SNX27: variants seen among roughly 807,000 people sequenced by gnomAD.
SNX27 encodes the protein sorting nexin 27.
A neutral mutation model predicts 71.6 loss-of-function variants in SNX27; 22 were observed. The ratio of observed to expected loss-of-function variants is 0.31; its 90% CI spans 0.22 to 0.44. The LOEUF (loss-of-function observed/expected upper bound fraction) is 0.44, where lower values mean the gene tolerates loss of function less well. SNX27 is among the 20% of genes least tolerant of loss of function. The pLI is 1.00. For synonymous variants in SNX27, 269 were observed against 277.2 expected (o/e 0.97, Z 0.29); for missense variants, 531 against 698.6 (o/e 0.76, Z 2.70).
Position 151,622,052 on chromosome 1 carries a change from C to A in SNX27, c.311+9540C>A, listed in dbSNP as rs118009793. 3.9e-4 allele frequency among the ~76,000 whole-genome samples: 60 copies of A among 152,240 alleles called. 1 individual carries two copies. The East Asian group carries it at 8.7e-3, about 22-fold the overall frequency. On this transcript the variant is annotated intron_variant, in intron 1 of 11. Transcript: ENST00000458013. The stretch of plus-strand genomic sequence containing the variant: ...TTATATTCCTCATTTGGAAAAGGTC[C>A]GACTGTACCTTTCTTCTCTTTCAAT...
intron 1 of SNX27, among the ~76,000 whole-genome samples, chr1:151,637,061 TAGTC>T (rs1668490062): frequency 6.6e-6 from 1 of 152,008 alleles, no homozygotes; most frequent in Non-Finnish European, 1.5e-5. Context: ...CTGGTACTAA[TAGTC>T]AGGATCAGGA....
At chr1:151,675,371 A>G (rs1432000345) in intron 7 of SNX27, among the ~76,000 whole-genome samples, 1 of 152,058 alleles carries the variant, frequency 6.6e-6, no homozygotes, top group Non-Finnish European at 1.5e-5. Context: ...TTACATGTAT[A>G]TTTGGCTTTA....
intron 2 of SNX27, among the ~76,000 whole-genome samples, chr1:151,643,655 GT>G (rs1049957078): frequency 1.3e-5 from 2 of 151,512 alleles, no homozygotes; most frequent in East Asian, 1.9e-4. Context: ...ACAATTTAGG[GT>G]TTTTTTTATT....
rs534939041 is a variant in SNX27, at chr1:151,693,787, C to A, written c.1578+304C>A. 3.4e-6 allele frequency: 5 copies of A among 1,465,688 alleles called. No homozygotes were observed. The Admixed American group carries it at 1.0e-4, about 30-fold the overall frequency. 90.8% of individuals were successfully genotyped at this position (1,465,688 alleles called of 1,614,324 possible). ...CTGCCAGTTTTTTAAATCAGATCAC[C>A]CTCCATGTTGTTCCTGACCCACAGG... On this transcript the variant is annotated intron_variant, in intron 11 of 11. Coordinates refer to ENST00000458013, the MANE Select transcript of SNX27 (RefSeq NM_001330723.2).
At chr1:151,666,535 T>C (rs1453378348) in intron 6 of SNX27, 1 of 152,300 alleles carries the variant, frequency 6.6e-6, no homozygotes, top group East Asian at 1.9e-4. Flanking sequence ...CTAGGGATGG[T>C]GGTCACATTG....
intron 1 of SNX27, among the ~76,000 whole-genome samples, chr1:151,626,026 G>T (rs1003350285): frequency 6.6e-6 from 1 of 152,138 alleles, no homozygotes; most frequent in Non-Finnish European, 1.5e-5. Flanking sequence ...CTACTCTGGA[G>T]GCTGAAGCAG....
At chr1:151,672,189 A>AG (rs1670477565) in intron 7 of SNX27, among the ~76,000 whole-genome samples, 1 of 151,868 alleles carries the variant, frequency 6.6e-6, no homozygotes, top group Admixed American at 6.6e-5. Flanking sequence ...CAGTTTTTTG[A>AG]GGGGTTTTTA....
intron 2 of SNX27, among the ~76,000 whole-genome samples, chr1:151,641,646 TATATC>T (rs1331839185): frequency 2.9e-5 from 4 of 137,090 alleles, no homozygotes; most frequent in South Asian, 2.3e-4. Context: ...GTATCATATA[TATATC>T]ATATGTATCA....
At chr1:151,665,475 A>G (rs1241941103) in intron 5 of SNX27, among the ~76,000 whole-genome samples, 1 of 152,240 alleles carries the variant, frequency 6.6e-6, no homozygotes, top group Non-Finnish European at 1.5e-5. Flanking sequence ...ACACTCTAGA[A>G]TCAAATATAT....
In SNX27 at chr1:151,658,267, G is replaced by A. The variant is rs1201165547; in HGVS notation, c.576G>A (p.Leu192=). 1 of 1,613,052 alleles carries A rather than the reference G, an allele frequency of 6.2e-7. No individual in the cohort carries two copies. The highest frequency in any genetic ancestry group is 2.2e-5 in the East Asian group (1 of 44,864). The change falls in exon 3 of 12, where the codon CTG becomes CTA. Residue 192 remains leucine (L), a synonymous_variant. Coordinates refer to ENST00000458013, the MANE Select transcript of SNX27 (RefSeq NM_001330723.2). ...ATGTTTACATGGCAGGGAGGCAGCT[G>A]TGTTCTAAGCGGTACCGGGAGTTTG... ...VYNVYMAGRQ[L]CSKRYREFAI... is the part of the protein sequence containing the mutation.
Position 151,612,306 on chromosome 1 carries a change from CG to C in SNX27, c.110del (p.Gly37GlufsTer25). ...SGLHCAGNGGGGGGGPRVVRI... is the reference protein window; with the variant it reads ...SGLHCAGNGGXGGGGPRVVRI... ...GGCTCCACTGCGCCGGGAACGGCGG[CG>C]GGGGAGGCGGCGGCCCGCGGGTCGT... On this transcript the variant is annotated frameshift_variant, in exon 1 of 12. Coordinates refer to ENST00000458013, the MANE Select transcript of SNX27 (RefSeq NM_001330723.2). LOFTEE classifies it high-confidence loss of function. This position sits in a 1 kb window ranked among gnomAD's most constrained non-coding sequence, Gnocchi z 5.2. The C allele has an allele frequency of 4.0e-6, 6 of 1,514,372 alleles. No homozygotes were observed. The highest frequency in any genetic ancestry group is 4.5e-5 in the Admixed American group (2 of 44,436). The allele number at this position is 1,514,372 out of a possible 1,614,324, so 93.8% of individuals were successfully genotyped here.
Position 151,681,235 on chromosome 1 carries a change from C to CTTTTTT in SNX27, c.1150-2102_1150-2097dup, listed in dbSNP as rs762924986. On this transcript the variant is annotated intron_variant, in intron 7 of 11. Coordinates refer to ENST00000458013, the MANE Select transcript of SNX27 (RefSeq NM_001330723.2). ...CTAGAAGTTGAATTAGTCTCTCAATCTTTTTTTTTTTTTTTTTTTTTTTTG... is the reference window on the plus strand; with the variant it reads ...CTAGAAGTTGAATTAGTCTCTCAATCTTTTTTTTTTTTTTTTTTTTTTTTTTTTTTG... Among the ~76,000 whole-genome samples the CTTTTTT allele has an allele frequency of 3.7e-3, 227 of 60,678 alleles. 13 individuals carry two copies. The highest frequency in any genetic ancestry group is 9.6e-3 in the African/African-American group (151 of 15,716). The allele number at this position is 60,678 out of a possible 152,430, so 39.8% of individuals were successfully genotyped here.
At chr1:151,646,439 CCTT>C (rs1669035128) in intron 2 of SNX27, among the ~76,000 whole-genome samples, 1 of 151,332 alleles carries the variant, frequency 6.6e-6, no homozygotes, top group Non-Finnish European at 1.5e-5. Flanking sequence ...TCATTTCCTG[CCTT>C]CTTTTGGATG....
At chr1:151,661,243 A>G (rs1210273659) in intron 4 of SNX27, 1 of 187,658 alleles carries the variant, frequency 5.3e-6, no homozygotes, top group East Asian at 1.3e-4. Context: ...GGTAAGAGCT[A>G]AATCTTGACC....
chr1:151,614,077 C>T (rs1667318947), intron 1 of SNX27: 1 of 151,562 alleles, frequency 6.6e-6, no homozygotes, highest in South Asian at 2.1e-4. Flanking sequence ...TGCCATCTAC[C>T]CTTATCCTTG....
At chr1:151,675,577 G>A (rs1366726204) in intron 7 of SNX27, among the ~76,000 whole-genome samples, 4 of 151,216 alleles carry the variant, frequency 2.6e-5, no homozygotes, top group African/African-American at 9.7e-5. Flanking sequence ...TTTTGAGATG[G>A]GTTTTCCCTA....
chr1:151,642,763 C>T (rs993895567), intron 2 of SNX27, among the ~76,000 whole-genome samples: 22 of 151,788 alleles, frequency 1.4e-4, no homozygotes, highest in Non-Finnish European at 7.4e-5. Context: ...CTCAGTCTCC[C>T]GAGTAGCTGG....
chr1:151,630,142 G>C (rs1668154662), intron 1 of SNX27, among the ~76,000 whole-genome samples: 1 of 151,510 alleles, frequency 6.6e-6, no homozygotes. Flanking sequence ...TTTGTGTTTG[G>C]GATTATTTCA....
intron 2 of SNX27, among the ~76,000 whole-genome samples, chr1:151,657,923 C>A (rs1423080579): frequency 6.6e-6 from 1 of 152,066 alleles, no homozygotes; most frequent in East Asian, 1.9e-4. Flanking sequence ...ATTGCTTGAA[C>A]CCGGGAGGCG....
Sources: gnomAD v4.1 joint callset for allele counts (sites outside exome capture counted in the v4.1 genomes callset) on GRCh38, gnomAD v4.1.1 for gene constraint, Gnocchi (gnomAD v3.1) non-coding constraint, MANE v1.5 for transcripts, NCBI Gene and HGNC (gene_info 2026-07-23, HGNC 2026-07-21) for gene names.